ASMT: variants seen among roughly 807,000 people sequenced by gnomAD.
ASMT encodes the protein acetylserotonin O-methyltransferase, also known as acetylserotonin N-methyltransferase.
ASMT carries 53 observed loss-of-function variants against 41.3 expected under a neutral mutation model. The ratio of observed to expected loss-of-function variants is 1.28; its 90% CI spans 1.03 to 1.61. The LOEUF is 1.61. Among genes scored for constraint, ASMT ranks in the 40% most tolerant of loss-of-function variants. The pLI is 0.00. For missense variants in ASMT, 531 were observed against 441.3 expected (o/e 1.20, Z -1.82); for synonymous variants, 231 against 184.8 (o/e 1.25, Z -2.03).
rs1934028108 is a variant in ASMT, at chrX:1,615,112, GGCTCTTCCCCACCTTGCCA to G, written c.-85_-67del. On this transcript the variant is annotated 5_prime_UTR_variant, in exon 1 of 9. Transcript: ENST00000381241. ...AGTCAGGCAGCAGCTGTGAGCGGGT[GGCTCTTCCCCACCTTGCCA>G]GCAGGCTCTGTGCTCCTTGAAGCAA... 8.6e-7 allele frequency: 1 copy of G among 1,166,972 alleles called. No homozygotes were observed. Among genetic ancestry groups the G allele is most frequent in the Non-Finnish European group, 1.3e-6 (1 of 795,116 alleles). 72.3% of individuals were successfully genotyped at this position (1,166,972 alleles called of 1,614,324 possible).
chrX:1,627,416 G>T (rs189346022), intron 3 of ASMT, among the ~76,000 whole-genome samples: 58 of 151,964 alleles, frequency 3.8e-4, no homozygotes, highest in African/African-American at 1.3e-3. Flanking sequence ...GAGGTCACGA[G>T]TTTGAGACCA....
rs1365357993 is a variant in ASMT, at chrX:1,642,855, T to C, written c.963T>C (p.Pro321=). The change falls in exon 9 of 9, where the codon CCT becomes CCC. Residue 321 remains proline (P), a synonymous_variant. Coordinates refer to ENST00000381241, the MANE Select transcript of ASMT (RefSeq NM_001171038.2). ...TCCTGGATGAAGACAGGCGAGGTCC[T>C]CTGCTCACGCAGCTCTACTCTCTGA... ...ESLLDEDRRG[P]LLTQLYSLNM... 1.9e-6 allele frequency: 3 copies of C among 1,613,892 alleles called. No individual in the cohort carries two copies. The South Asian group carries it at 3.3e-5, about 18-fold the overall frequency.
chrX:1,627,576 G>A (rs569633584), intron 3 of ASMT, 127 bp from the exon 4 acceptor site: 27 of 971,702 alleles, frequency 2.8e-5, no homozygotes, highest in African/African-American at 9.4e-5. Flanking sequence ...AGCCGAGATC[G>A]TGCCATTGCA....
rs1275836465 is a variant in ASMT, at chrX:1,641,340, G to A, written c.911-1463G>A. Among the ~76,000 whole-genome samples the A allele has an allele frequency of 3.0e-5, 3 of 98,828 alleles. No homozygotes were observed. The East Asian group carries it at 1.1e-3, about 36-fold the overall frequency. 64.8% of individuals were successfully genotyped at this position (98,828 alleles called of 152,430 possible). A position where few individuals can be genotyped will look rare whatever the true frequency, so the allele number is the denominator to read the frequency against. On this transcript the variant is annotated intron_variant, in intron 8 of 8. Coordinates refer to ENST00000381241, the MANE Select transcript of ASMT (RefSeq NM_001171038.2). Reference sequence around the variant, plus strand: ...ACCCATCCTGATGATCCATTAGGATGTGGACACAGCCTCTGTGTGTGTGAT... The same window carrying A: ...ACCCATCCTGATGATCCATTAGGATATGGACACAGCCTCTGTGTGTGTGAT...
At chrX:1,626,756 G>T (rs1315199628) in intron 3 of ASMT, among the ~76,000 whole-genome samples, 1 of 152,204 alleles carries the variant, frequency 6.6e-6, no homozygotes, top group South Asian at 2.1e-4. Flanking sequence ...GGCCAGGCGC[G>T]GTGGCTCACG....
intron 2 of ASMT, 63 bp from the exon 3 acceptor site, chrX:1,624,206 G>C: frequency 6.2e-7 from 1 of 1,607,194 alleles, no homozygotes; most frequent in Middle Eastern, 1.9e-4. Flanking sequence ...GAGCTGGGGA[G>C]CGTCCGCCGG....
intron 8 of ASMT, among the ~76,000 whole-genome samples, chrX:1,636,810 C>T (rs1243316155): frequency 6.6e-6 from 1 of 152,244 alleles, no homozygotes; most frequent in Middle Eastern, 3.2e-3. Context: ...TGGTGAAATT[C>T]TTTCAGAATT....
chrX:1,640,521 G>A (rs771452216), intron 8 of ASMT, among the ~76,000 whole-genome samples: 26 of 58,334 alleles, frequency 4.5e-4, no homozygotes, highest in Admixed American at 7.1e-4. Context: ...GAGGACGTGG[G>A]CACAGCCTCT....
chrX:1,627,991 G>A (rs1378832916), intron 4 of ASMT: 19 of 621,308 alleles, frequency 3.1e-5, no homozygotes, highest in South Asian at 1.9e-4. Flanking sequence ...CCCTTCCTTC[G>A]AAAGGACTAC....
chrX:1,627,575 C>G (rs1196884009), intron 3 of ASMT, 128 bp from the exon 4 acceptor site: 4 of 960,660 alleles, frequency 4.2e-6, no homozygotes, highest in Non-Finnish European at 6.8e-6. Context: ...GAGCCGAGAT[C>G]GTGCCATTGC....
chrX:1,636,407 C>G lies in ASMT; in HGVS notation c.788-31C>G, dbSNP rs369887259. The G allele has an allele frequency of 1.9e-5, 30 of 1,613,756 alleles. No individual in the cohort carries two copies. The African/African-American group carries it at 3.6e-4, about 19-fold the overall frequency. On this transcript the variant is annotated intron_variant, in intron 7 of 8. Transcript: ENST00000381241. ...TAGTCAAATGGGATTGGATTGCAGG[C>G]TGACCTCGGTGTGCCTGCCCTGTGT... is the stretch of plus-strand genomic sequence containing the variant.
Position 1,627,744 on chromosome X carries a change from C to A in ASMT, c.416C>A (p.Ala139Asp). 6.2e-7 allele frequency: 1 copy of A among 1,613,982 alleles called. No individual in the cohort carries two copies. Among genetic ancestry groups the A allele is most frequent in the Non-Finnish European group, 8.5e-7 (1 of 1,179,864 alleles). ...NQYLETFGVP[A>D]EELFTAIYRS... ...TACCTGGAGACGTTTGGCGTTCCCGCTGAAGAGCTTTTTACGGCCATCTAC... is the reference window on the plus strand; with the variant it reads ...TACCTGGAGACGTTTGGCGTTCCCGATGAAGAGCTTTTTACGGCCATCTAC... The change falls in exon 4 of 9, where the codon GCT becomes GAT. Residue 139 changes from alanine to aspartate, a missense_variant. Coordinates refer to ENST00000381241, the MANE Select transcript of ASMT (RefSeq NM_001171038.2).
chrX:1,622,973 G>A (rs1262391624), intron 1 of ASMT, 166 bp from the exon 2 acceptor site: 1 of 163,388 alleles, frequency 6.1e-6, no homozygotes, highest in Non-Finnish European at 1.3e-5. Context: ...TTTCCATAGT[G>A]GTGCAATCTC....
intron 1 of ASMT, among the ~76,000 whole-genome samples, chrX:1,615,677 C>G (rs1260988366): frequency 1.3e-5 from 2 of 151,880 alleles, no homozygotes; most frequent in Non-Finnish European, 1.5e-5. Flanking sequence ...TGGTACATGC[C>G]TATAATCCCA....
At chrX:1,636,782 A>G (rs1486987674) in intron 8 of ASMT, among the ~76,000 whole-genome samples, 13 of 152,240 alleles carry the variant, frequency 8.5e-5, no homozygotes, top group Non-Finnish European at 1.6e-4. Flanking sequence ...GCCCTCTGAA[A>G]CTTCAGTGGC....
chrX:1,635,006 G>A (rs111755597), intron 7 of ASMT, among the ~76,000 whole-genome samples: 7,256 of 100,358 alleles, frequency 0.072, 246 homozygotes, highest in Middle Eastern at 0.15. Flanking sequence ...ATGGAGTCTC[G>A]CTCTGTCACC....
chrX:1,618,234 G>C lies in ASMT; in HGVS notation c.69+2966G>C, dbSNP rs143685841. ...GCTGGAGTGCAGTGGCATGATCTCA[G>C]CTCACTGCAACCTCTCCCTCCCAGG... On this transcript the variant is annotated intron_variant, in intron 1 of 8. Coordinates refer to ENST00000381241, the MANE Select transcript of ASMT (RefSeq NM_001171038.2). Among the ~76,000 whole-genome samples, 719 of 152,134 alleles carry C rather than the reference G, an allele frequency of 4.7e-3. 8 individuals are homozygous for C. Among genetic ancestry groups the C allele is most frequent in the African/African-American group, 0.016 (663 of 41,482 alleles).
intron 8 of ASMT, among the ~76,000 whole-genome samples, chrX:1,636,990 G>A (rs1471550959): frequency 1.7e-4 from 12 of 68,970 alleles, no homozygotes; most frequent in Admixed American, 5.1e-4. Flanking sequence ...TGTGGGCACA[G>A]CCTCTGTGTG....
At chrX:1,635,134 C>T (rs1259197810) in intron 7 of ASMT, among the ~76,000 whole-genome samples, 1 of 136,732 alleles carries the variant, frequency 7.3e-6, no homozygotes, top group Non-Finnish European at 1.6e-5. Context: ...ACCACCACGC[C>T]CAGCTAATTT....
Sources: allele counts gnomAD v4.1 joint callset (sites outside exome capture counted in the v4.1 genomes callset), GRCh38; gene constraint gnomAD v4.1.1; transcripts MANE v1.5; gene names NCBI Gene and HGNC (gene_info 2026-07-23, HGNC 2026-07-21).